Variants in PGBD5 observed in about 807,000 individuals in gnomAD.
PGBD5 encodes the protein piggyBac transposable element derived 5.
Under a neutral mutation model 47.9 loss-of-function variants are expected in PGBD5, and 14 were observed. That is an observed-to-expected ratio of 0.29 (90% CI 0.19 to 0.46). The LOEUF (loss-of-function observed/expected upper bound fraction) is 0.46. Ranked by LOEUF, PGBD5 falls within the 20% of genes least tolerant of loss-of-function variation. The pLI is 1.00. For missense variants in PGBD5, 635 were observed against 716.0 expected, an observed-to-expected ratio of 0.89 and a Z score of 1.29; for synonymous variants, 316 against 306.3, an observed-to-expected ratio of 1.03 and a Z score of -0.33.
intron 1 of PGBD5, among the ~76,000 whole-genome samples, chr1:230,364,397 TC>T (rs1667794586): frequency 6.6e-6 from 1 of 152,246 alleles, no homozygotes; most frequent in Non-Finnish European, 1.5e-5. Context: ...CTAAATGGTA[TC>T]TTCCAAGCAA....
intron 1 of PGBD5, among the ~76,000 whole-genome samples, chr1:230,371,595 G>A (rs984508932): frequency 1.3e-5 from 2 of 152,204 alleles, no homozygotes; most frequent in African/African-American, 4.8e-5. Context: ...ACTTGGACAA[G>A]AGTCAGATTA....
chr1:230,331,415 C>T lies in PGBD5; in HGVS notation c.1273+1429G>A, dbSNP rs148567952. Among the ~76,000 whole-genome samples, 28 of 152,120 alleles carry T rather than the reference C, an allele frequency of 1.8e-4. No individual in the cohort carries two copies. The East Asian group carries it at 5.2e-3, about 28-fold the overall frequency. ...TGGGCGACAGAGCAACACCCTGTCC[C>T]AAAAATAAATAAATAAACAAAATAA... On this transcript the variant is annotated intron_variant, in intron 5 of 6. Transcript: ENST00000391860.
chr1:230,361,872 G>T (rs895067567), intron 1 of PGBD5, among the ~76,000 whole-genome samples: 2 of 152,232 alleles, frequency 1.3e-5, no homozygotes, highest in Non-Finnish European at 2.9e-5. Flanking sequence ...GGATCCTGAA[G>T]GCTTCCTGGA....
At chr1:230,333,065 C>T in intron 4 of PGBD5, 24 bp from the exon 5 acceptor site, 8 of 1,568,788 alleles carry the variant, frequency 5.1e-6, no homozygotes, top group Admixed American at 1.9e-5. Flanking sequence ...GAGGAAGGAT[C>T]GCACACTCAC....
At chr1:230,378,475 A>G (rs1668047808) in intron 1 of PGBD5, among the ~76,000 whole-genome samples, 1 of 152,232 alleles carries the variant, frequency 6.6e-6, no homozygotes, top group South Asian at 2.1e-4. Flanking sequence ...CTCACCTACA[A>G]GCACCTGAGC....
At chr1:230,350,546 C>T (rs1375968942) in intron 3 of PGBD5, among the ~76,000 whole-genome samples, 1 of 152,228 alleles carries the variant, frequency 6.6e-6, no homozygotes, top group Non-Finnish European at 1.5e-5. Flanking sequence ...GTGGGGAGGC[C>T]TTCTGGGACA....
At chr1:230,352,060 G>A (rs1048025260) in intron 2 of PGBD5, among the ~76,000 whole-genome samples, 1 of 151,874 alleles carries the variant, frequency 6.6e-6, no homozygotes, top group Non-Finnish European at 1.5e-5. Context: ...GAAATGAAGA[G>A]TGCAGGCAAT....
At chr1:230,363,892 A>G (rs896179753) in intron 1 of PGBD5, among the ~76,000 whole-genome samples, 1 of 152,250 alleles carries the variant, frequency 6.6e-6, no homozygotes, top group African/African-American at 2.4e-5. Flanking sequence ...GCAATGTAGG[A>G]AACAGCCAAT....
At chr1:230,350,907 T>C in intron 3 of PGBD5, 51 bp downstream of exon 3, 1 of 1,593,868 alleles carries the variant, frequency 6.3e-7, no homozygotes, top group Non-Finnish European at 8.5e-7. Context: ...GCCCGGATTT[T>C]CTTCCCCGAC....
chr1:230,377,570 A>C, intron 1 of PGBD5: 1 of 1,603,426 alleles, frequency 6.2e-7, no homozygotes, highest in Non-Finnish European at 8.5e-7. Flanking sequence ...GGTCCTGCAG[A>C]GTCCCCGAGA....
At chr1:230,330,635 A>G (rs1403029454) in intron 5 of PGBD5, among the ~76,000 whole-genome samples, 1 of 152,156 alleles carries the variant, frequency 6.6e-6, no homozygotes, top group African/African-American at 2.4e-5. Context: ...CATTCCAGCT[A>G]CACCCAGGTC....
intron 1 of PGBD5, among the ~76,000 whole-genome samples, chr1:230,372,098 C>G (rs1374822758): frequency 6.6e-6 from 1 of 152,154 alleles, no homozygotes; most frequent in Non-Finnish European, 1.5e-5. Context: ...AGGCGATGCC[C>G]CAAGAGAACT....
chr1:230,335,747 A>C, intron 4 of PGBD5, among the ~76,000 whole-genome samples: 1 of 141,566 alleles, frequency 7.1e-6, no homozygotes, highest in Non-Finnish European at 1.5e-5. Flanking sequence ...TTACACAAAG[A>C]CACACACAGA....
At chr1:230,347,432 A>G (rs1311185709) in intron 3 of PGBD5, among the ~76,000 whole-genome samples, 2 of 149,914 alleles carry the variant, frequency 1.3e-5, no homozygotes, top group Non-Finnish European at 3.0e-5. Context: ...TGCTGGCAGA[A>G]TTCCCTTTTT....
Position 230,317,914 on chromosome 1 carries a change from C to T in PGBD5, c.*5511G>A, listed in dbSNP as rs1277367584. On this transcript the variant is annotated 3_prime_UTR_variant, in exon 7 of 7. Coordinates refer to ENST00000391860, the MANE Select transcript of PGBD5 (RefSeq NM_001258311.2). Reference sequence around the variant, plus strand: ...CAATCAAGTCTCCCGCAGGAGTCTCCTCATTACGACCGTGTATACATGGGT... The same window carrying T: ...CAATCAAGTCTCCCGCAGGAGTCTCTTCATTACGACCGTGTATACATGGGT... The T allele has an allele frequency of 6.6e-6, 1 of 152,184 alleles. No individual in the cohort carries two copies. The highest frequency in any genetic ancestry group is 1.5e-5 in the Non-Finnish European group (1 of 68,062). The allele number at this position is 152,184 out of a possible 1,614,324, so 9.4% of individuals were successfully genotyped here.
At chr1:230,392,593 G>C (rs270854) in intron 1 of PGBD5, among the ~76,000 whole-genome samples, 107,756 of 152,076 alleles carry the variant, frequency 0.71, 38,728 homozygotes, top group Non-Finnish European at 0.74. Context: ...TGCCTCCTCC[G>C]GACTCTCCTC....
Position 230,425,578 on chromosome 1 carries a change from A to G in PGBD5, c.331+20T>C. On this transcript the variant is annotated intron_variant, in intron 1 of 6. Transcript: ENST00000391860. This position sits in a 1 kb window ranked among gnomAD's most constrained non-coding sequence, Gnocchi z 4.7. ...GGTTCCAGCGCCGCCCCCGACATCCACCCGCGGGCAGCCCCTTACCGCCGG... is the reference window on the plus strand; with the variant it reads ...GGTTCCAGCGCCGCCCCCGACATCCGCCCGCGGGCAGCCCCTTACCGCCGG... The G allele has an allele frequency of 8.2e-7, 1 of 1,214,824 alleles. No homozygotes were observed. Among genetic ancestry groups the G allele is most frequent in the Non-Finnish European group, 1.0e-6 (1 of 977,784 alleles). 75.3% of individuals were successfully genotyped at this position (1,214,824 alleles called of 1,614,324 possible).
At chr1:230,325,651 C>T (rs1667104550) in intron 5 of PGBD5, among the ~76,000 whole-genome samples, 1 of 152,118 alleles carries the variant, frequency 6.6e-6, no homozygotes, top group South Asian at 2.1e-4. Context: ...AGACACAGCA[C>T]CCCAAGTCAT....
intron 1 of PGBD5, among the ~76,000 whole-genome samples, chr1:230,421,523 C>A (rs12067525): frequency 6.6e-6 from 1 of 152,076 alleles, no homozygotes; most frequent in Non-Finnish European, 1.5e-5. Context: ...GGCAACTTCT[C>A]GGCCACAGAG....
Sources: allele counts gnomAD v4.1 joint callset (sites outside exome capture counted in the v4.1 genomes callset), GRCh38; gene constraint gnomAD v4.1.1; non-coding constraint Gnocchi (gnomAD v3.1); transcripts MANE v1.5; gene names NCBI Gene and HGNC (gene_info 2026-07-23, HGNC 2026-07-21).